The following DAB1 variants were observed in gnomAD, a reference collection of about 807,000 sequenced individuals.
DAB1 encodes disabled homolog 1.
Under a neutral mutation model 64.6 loss-of-function variants are expected in DAB1, and 15 were observed. The observed-to-expected ratio is 0.23, with a 90% confidence interval of 0.16 to 0.36. The LOEUF is 0.36. DAB1 is among the 10% of genes least tolerant of loss of function. The pLI, the probability that DAB1 is intolerant of heterozygous loss-of-function variation, is 1.00. For synonymous variants in DAB1, 235 were observed against 251.9 expected (o/e 0.93, Z 0.64); for missense variants, 596 against 706.7 (o/e 0.84, Z 1.78).
At chr1:57,322,842 T>C (rs1366740230) in intron 1 of DAB1, among the ~76,000 whole-genome samples, 4 of 152,198 alleles carry the variant, frequency 2.6e-5, no homozygotes, top group Non-Finnish European at 5.9e-5. Context: ...TTGCACCACC[T>C]GGAAAGCTTT....
Position 57,023,435 on chromosome 1 carries a change from G to C in DAB1, c.895+96C>G. 6.9e-6 allele frequency: 5 copies of C among 725,094 alleles called. No individual in the cohort carries two copies. The South Asian group carries it at 8.0e-5, about 12-fold the overall frequency. 44.9% of individuals were successfully genotyped at this position (725,094 alleles called of 1,614,324 possible). Reference sequence around the variant, plus strand: ...TGAAGAGTCACAGGAGAGAACAGCAGTGTTTTATCATCATTCGGTGGCTGG... The same window carrying C: ...TGAAGAGTCACAGGAGAGAACAGCACTGTTTTATCATCATTCGGTGGCTGG... On this transcript the variant is annotated intron_variant, in intron 11 of 14. Coordinates refer to ENST00000371236, the MANE Select transcript of DAB1 (RefSeq NM_001365792.1).
intron 4 of DAB1, among the ~76,000 whole-genome samples, chr1:58,262,589 A>T (rs1661070880): frequency 6.6e-6 from 1 of 152,164 alleles, no homozygotes; most frequent in Non-Finnish European, 1.5e-5. Context: ...ATCTAAAAAA[A>T]ACAAAAAAAA....
At chr1:57,825,613 G>C (rs987429080), downstream of DAB1, among the ~76,000 whole-genome samples, 1 of 152,148 alleles carries the variant, frequency 6.6e-6, no homozygotes, top group African/African-American at 2.4e-5. Context: ...CTGAAGACTG[G>C]ACAGACCCTT....
chr1:57,010,982 C>A (rs1158197580), intron 13 of DAB1, among the ~76,000 whole-genome samples, 163 bp downstream of exon 13: 1 of 152,172 alleles, frequency 6.6e-6, no homozygotes, highest in African/African-American at 2.4e-5. Context: ...TTTCAGCTGA[C>A]TCATTTGAAC....
At chr1:58,009,061 A>T (rs977020187) in intron 5 of DAB1, among the ~76,000 whole-genome samples, 2 of 152,184 alleles carry the variant, frequency 1.3e-5, no homozygotes, top group South Asian at 4.1e-4. Flanking sequence ...ATTCCAGGAA[A>T]TGTGCATACA....
intron 7 of DAB1, among the ~76,000 whole-genome samples, chr1:57,589,182 T>C (rs945095364): frequency 3.3e-5 from 5 of 152,048 alleles, no homozygotes; most frequent in Admixed American, 6.5e-5. Context: ...ATCATGCCAT[T>C]GCACTCCAGC....
chr1:57,203,847 T>C (rs1665310820), intron 2 of DAB1, among the ~76,000 whole-genome samples: 1 of 152,188 alleles, frequency 6.6e-6, no homozygotes, highest in African/African-American at 2.4e-5. Flanking sequence ...TAAGACCTCT[T>C]TGATGTGGCT....
intron 5 of DAB1, among the ~76,000 whole-genome samples, chr1:58,012,711 A>G (rs1478739581): frequency 6.6e-6 from 1 of 152,174 alleles, no homozygotes; most frequent in Non-Finnish European, 1.5e-5. Context: ...CCATCTGCAA[A>G]CTAGGAAGTG....
intron 2 of DAB1, among the ~76,000 whole-genome samples, chr1:57,158,598 C>A (rs527728896): frequency 2.0e-5 from 3 of 152,220 alleles, no homozygotes; most frequent in Non-Finnish European, 2.9e-5. Flanking sequence ...TTTCAGGGCC[C>A]AGCAGACAGA....
At chr1:57,606,022 C>A (rs1645632056) in intron 7 of DAB1, 4 of 651,224 alleles carry the variant, frequency 6.1e-6, no homozygotes, top group South Asian at 4.3e-5. Context: ...TGTAGTGATT[C>A]TCAGAATCTT....
At chr1:57,026,354 C>T (rs953074534) in intron 9 of DAB1, among the ~76,000 whole-genome samples, 1 of 152,188 alleles carries the variant, frequency 6.6e-6, no homozygotes, top group Non-Finnish European at 1.5e-5. Context: ...AGCAATGTCT[C>T]TCTTTTCTAG....
intron 2 of DAB1, among the ~76,000 whole-genome samples, chr1:57,244,157 T>C (rs1342364544): frequency 6.6e-6 from 1 of 152,212 alleles, no homozygotes; most frequent in Non-Finnish European, 1.5e-5. Flanking sequence ...TTTATTCCAA[T>C]TGCATTTTCT....
intron 6 of DAB1, among the ~76,000 whole-genome samples, chr1:57,784,628 C>G (rs1174531327): frequency 6.6e-6 from 1 of 152,028 alleles, no homozygotes; most frequent in Non-Finnish European, 1.5e-5. Flanking sequence ...AGAGCAAGGC[C>G]CTGAACTCTT....
chr1:57,067,557 C>T (rs765303335), intron 8 of DAB1, among the ~76,000 whole-genome samples: 2 of 152,128 alleles, frequency 1.3e-5, no homozygotes, highest in Non-Finnish European at 2.9e-5. Context: ...CGCATGTGCA[C>T]ACGCAAATTT....
At chr1:57,270,897 C>G (rs1222789502) in intron 2 of DAB1, among the ~76,000 whole-genome samples, 1 of 152,128 alleles carries the variant, frequency 6.6e-6, no homozygotes, top group Non-Finnish European at 1.5e-5. Flanking sequence ...CCTGAGCCAC[C>G]CCCACAACCC....
chr1:57,852,756 C>G (rs1302289710), intron 1 of DAB1, among the ~76,000 whole-genome samples: 1 of 152,076 alleles, frequency 6.6e-6, no homozygotes, highest in East Asian at 1.9e-4. Context: ...CTTTATGTTT[C>G]TCATTTACAT....
intron 4 of DAB1, among the ~76,000 whole-genome samples, chr1:58,214,195 A>G (rs560876685): frequency 6.6e-6 from 1 of 152,226 alleles, no homozygotes; most frequent in African/African-American, 2.4e-5. Flanking sequence ...CCTGCCATTA[A>G]AGCCTCCAAG....
chr1:58,453,374 A>G (rs1193685179), intron 3 of DAB1, among the ~76,000 whole-genome samples: 2 of 152,174 alleles, frequency 1.3e-5, no homozygotes, highest in African/African-American at 4.8e-5. Flanking sequence ...AGCTCATATA[A>G]TAATTATAAT....
intron 7 of DAB1, among the ~76,000 whole-genome samples, chr1:57,503,712 C>A (rs542389663): frequency 5.3e-5 from 8 of 152,348 alleles, no homozygotes; most frequent in Middle Eastern, 3.4e-3. Context: ...TACTCAAGGT[C>A]TTTCTTCATC....
Sources: gnomAD v4.1 joint callset for allele counts (sites outside exome capture counted in the v4.1 genomes callset) on GRCh38, gnomAD v4.1.1 for gene constraint, MANE v1.5 for transcripts, NCBI Gene and HGNC (gene_info 2026-07-23, HGNC 2026-07-21) for gene names.